Variants in CAPRIN1 observed in about 807,000 individuals in gnomAD.
CAPRIN1 encodes cell cycle associated protein 1.
CAPRIN1 carries 29 observed loss-of-function variants against 100.9 expected under a neutral mutation model. The ratio of observed to expected loss-of-function variants is 0.29; its 90% CI spans 0.21 to 0.39. The LOEUF (loss-of-function observed/expected upper bound fraction) is 0.39, where lower values mean the gene tolerates loss of function less well. CAPRIN1 is among the 10% of genes least tolerant of loss of function. CAPRIN1 has a pLI of 1.00. For missense variants in CAPRIN1, 795 were observed against 876.7 expected (o/e 0.91, Z 1.18); for synonymous variants, 338 against 307.5 (o/e 1.10, Z -1.04).
rs1185680492 is a variant in CAPRIN1, at chr11:34,100,129, C to T, written c.*762C>T. On this transcript the variant is annotated 3_prime_UTR_variant, in exon 19 of 19. Coordinates refer to ENST00000341394, the MANE Select transcript of CAPRIN1 (RefSeq NM_005898.5). ...TACTTAATGTGAAATATTTAGATACCTTTTTGAACACTTAACAGTTTCTTT... is the reference window on the plus strand; with the variant it reads ...TACTTAATGTGAAATATTTAGATACTTTTTTGAACACTTAACAGTTTCTTT... The T allele has an allele frequency of 1.3e-5, 2 of 152,464 alleles. No individual in the cohort carries two copies. The highest frequency in any genetic ancestry group is 4.8e-5 in the African/African-American group (2 of 41,418). The allele number at this position is 152,464 out of a possible 1,614,324, so 9.4% of individuals were successfully genotyped here.
At position 34,099,469 on chromosome 11, in the gene CAPRIN1, A is replaced by G. The variant is rs1206719186; in HGVS notation, c.*102A>G. 2 of 982,090 alleles carry G rather than the reference A, an allele frequency of 2.0e-6. No homozygotes were observed. Among genetic ancestry groups the G allele is most frequent in the Non-Finnish European group, 3.2e-6 (2 of 626,282 alleles). 60.8% of individuals were successfully genotyped at this position (982,090 alleles called of 1,614,324 possible). A position where few individuals can be genotyped will look rare whatever the true frequency, so the allele number is the denominator to read the frequency against. The stretch of plus-strand genomic sequence containing the variant: ...TATCTATTTGTTCTCCCTTTCAGGA[A>G]ACTTATTGTAAAGGGACTGTTTTCA... On this transcript the variant is annotated 3_prime_UTR_variant, in exon 19 of 19. Coordinates refer to ENST00000341394, the MANE Select transcript of CAPRIN1 (RefSeq NM_005898.5).
At chr11:34,098,447 G>C (rs779138938) in intron 18 of CAPRIN1, 4 of 985,302 alleles carry the variant, frequency 4.1e-6, no homozygotes, top group Non-Finnish European at 4.8e-6. Context: ...TTAACAATTA[G>C]AGCTAGCATT....
intron 2 of CAPRIN1, among the ~76,000 whole-genome samples, chr11:34,064,617 G>A (rs927090079): frequency 1.3e-5 from 2 of 152,178 alleles, no homozygotes; most frequent in Admixed American, 1.3e-4. Flanking sequence ...TAGACCAATT[G>A]TCGTAAGAGG....
At chr11:34,082,023 G>GCTGGT (rs1303613448) in intron 7 of CAPRIN1, among the ~76,000 whole-genome samples, 1 of 151,954 alleles carries the variant, frequency 6.6e-6, no homozygotes, top group Non-Finnish European at 1.5e-5. Context: ...TGTTGGCCAG[G>GCTGGT]CTGGTCTCAA....
At chr11:34,064,058 G>A (rs1274373883) in intron 2 of CAPRIN1, among the ~76,000 whole-genome samples, 1 of 152,124 alleles carries the variant, frequency 6.6e-6, no homozygotes, top group Non-Finnish European at 1.5e-5. Context: ...GTGAGCCACC[G>A]CGCCTGGCCT....
At chr11:34,086,826 C>CT (rs1284772836) in intron 11 of CAPRIN1, among the ~76,000 whole-genome samples, 2 of 152,166 alleles carry the variant, frequency 1.3e-5, no homozygotes, top group Non-Finnish European at 2.9e-5. Flanking sequence ...GTTTTTGTAA[C>CT]TTTAACAAGT....
intron 7 of CAPRIN1, 139 bp downstream of exon 7, chr11:34,079,904 AGTTTTTTTTTTTTTTTT>A (rs1565091694): frequency 5.7e-4 from 282 of 496,840 alleles, no homozygotes; most frequent in Non-Finnish European, 7.5e-4. Context: ...AGCATGACAA[AGTTTTTTTTTTTTTTTT>A]TTTTTTTTTT....
rs1851453345 is a variant in CAPRIN1, at chr11:34,101,476, T to A, written c.*2109T>A. 6.6e-6 allele frequency among the ~76,000 whole-genome samples: 1 copy of A among 152,170 alleles called. No individual in the cohort carries two copies. The highest frequency in any genetic ancestry group is 6.5e-5 in the Admixed American group (1 of 15,268). ...CTCTGAATCAGTTTCAGAGAAGGGATGGGGGAGAAAATGCCTTCTAGGTTT... is the reference window on the plus strand; with the variant it reads ...CTCTGAATCAGTTTCAGAGAAGGGAAGGGGGAGAAAATGCCTTCTAGGTTT... On this transcript the variant is annotated 3_prime_UTR_variant, in exon 19 of 19. Transcript: ENST00000341394.
intron 14 of CAPRIN1, 86 bp from the exon 15 acceptor site, chr11:34,091,820 C>A: frequency 8.2e-7 from 1 of 1,222,046 alleles, no homozygotes; most frequent in Non-Finnish European, 1.2e-6. Flanking sequence ...TTATTTATGT[C>A]TGAGGTAAAA....
chr11:34,076,264 G>A lies in CAPRIN1; in HGVS notation c.395G>A (p.Arg132His). The A allele has an allele frequency of 6.2e-7, 1 of 1,614,044 alleles. No individual in the cohort carries two copies. The highest frequency in any genetic ancestry group is 8.5e-7 in the Non-Finnish European group (1 of 1,179,920). Residue 132 changes from arginine to histidine, a missense_variant, in exon 5 of 19, where the codon CGT becomes CAT. Physicochemically the swap from Arg to His is conservative, Grantham distance 29 (BLOSUM62 0). Around this residue, in one of 3 missense-constraint regions of CAPRIN1, gnomAD observed 38 missense variants for 92.3 expected, o/e 0.41. Transcript: ENST00000341394. Reference protein sequence around the residue: ...DIQKTIKKTARREQLMREEAE... With the variant: ...DIQKTIKKTAHREQLMREEAE... The stretch of plus-strand genomic sequence containing the variant: ...CAGAAAACAATAAAGAAGACAGCAC[G>A]TCGGGAGCAGCTTATGAGAGAAGAA...
At chr11:34,056,452 G>A (rs534661479) in intron 2 of CAPRIN1, 11 of 152,312 alleles carry the variant, frequency 7.2e-5, no homozygotes, top group African/African-American at 2.4e-4. Flanking sequence ...GTTATGTAAT[G>A]CAACTAAAAG....
intron 9 of CAPRIN1, among the ~76,000 whole-genome samples, 185 bp from the exon 10 acceptor site, chr11:34,085,879 T>C (rs987909136): frequency 6.6e-6 from 1 of 152,148 alleles, no homozygotes; most frequent in Non-Finnish European, 1.5e-5. Context: ...TGAAACACTG[T>C]AGAAGTGATG....
intron 2 of CAPRIN1, among the ~76,000 whole-genome samples, chr11:34,061,596 C>G (rs2134089559): frequency 6.6e-6 from 1 of 152,100 alleles, no homozygotes; most frequent in South Asian, 2.1e-4. Flanking sequence ...ACCAGTCTTC[C>G]AGGGCCTGGT....
At chr11:34,061,534 A>C (rs1399099408) in intron 2 of CAPRIN1, among the ~76,000 whole-genome samples, 1 of 152,076 alleles carries the variant, frequency 6.6e-6, no homozygotes, top group East Asian at 1.9e-4. Context: ...TGCCATTCTT[A>C]GCGTTCAGAA....
chr11:34,060,896 A>G (rs759412766), intron 2 of CAPRIN1, among the ~76,000 whole-genome samples: 14 of 152,242 alleles, frequency 9.2e-5, no homozygotes, highest in Non-Finnish European at 1.8e-4. Context: ...ATATTTTGAA[A>G]GATGCCCTTT....
intron 7 of CAPRIN1, 33 bp downstream of exon 7, chr11:34,079,798 G>A: frequency 6.3e-7 from 1 of 1,594,886 alleles, no homozygotes; most frequent in African/African-American, 1.3e-5. Context: ...CTTTAGTTTA[G>A]GGTCCTGGTT....
In CAPRIN1 at chr11:34,076,761, G is replaced by A. The variant is rs890354828; in HGVS notation, c.688+119G>A. ...GTTTTTTTTTTTTTTTGGAGACAGA[G>A]TCTACTCTGTTGCCCAGGTTGGAGT... On this transcript the variant is annotated intron_variant, in intron 6 of 18. Coordinates refer to ENST00000341394, the MANE Select transcript of CAPRIN1 (RefSeq NM_005898.5). 1.0e-4 allele frequency: 71 copies of A among 696,024 alleles called. No homozygotes were observed. The African/African-American group carries it at 1.3e-3, about 12-fold the overall frequency. The allele number at this position is 696,024 out of a possible 1,614,324, so 43.1% of individuals were successfully genotyped here. A position where few individuals can be genotyped will look rare whatever the true frequency, so the allele number is the denominator to read the frequency against.
Position 34,071,728 on chromosome 11 carries a change from T to TA in CAPRIN1, c.221dup (p.Leu75AlafsTer2). On this transcript the variant is annotated frameshift_variant, in exon 3 of 19. Coordinates refer to ENST00000341394, the MANE Select transcript of CAPRIN1 (RefSeq NM_005898.5). LOFTEE classifies it high-confidence loss of function. ...TTCTTTTTTTTCTTTTAACATAGGG[T>TA]AAGCTTGATGATTACCAGGAACGAA... is the stretch of plus-strand genomic sequence containing the variant. 1 of 1,608,836 alleles carries TA rather than the reference T, an allele frequency of 6.2e-7. No homozygotes were observed. The highest frequency in any genetic ancestry group is 8.5e-7 in the Non-Finnish European group (1 of 1,175,392).
At chr11:34,089,330 T>A in intron 11 of CAPRIN1, 65 bp from the exon 12 acceptor site, 5 of 549,138 alleles carry the variant, frequency 9.1e-6, no homozygotes, top group Non-Finnish European at 1.5e-5. Flanking sequence ...AAATAAAAGG[T>A]ATTTAGACGC....
Sources: gnomAD v4.1 joint callset for allele counts (sites outside exome capture counted in the v4.1 genomes callset) on GRCh38, gnomAD v4.1.1 for gene constraint, gnomAD v4.1.1 regional missense constraint, MANE v1.5 for transcripts, NCBI Gene and HGNC (gene_info 2026-07-23, HGNC 2026-07-21) for gene names.